Variants in CUEDC1 observed in about 807,000 individuals in gnomAD.
CUEDC1 encodes the protein CUE domain containing 1.
CUEDC1 carries 30 observed loss-of-function variants against 43.7 expected under a neutral mutation model. The observed-to-expected ratio is 0.69, with a 90% CI of 0.51 to 0.93. CUEDC1 has a LOEUF of 0.93. CUEDC1 is among the 40% of genes least tolerant of loss of function. The pLI, the probability that CUEDC1 is intolerant of heterozygous loss-of-function variation, is 0.00. For synonymous variants in CUEDC1, 223 were observed against 223.6 expected (o/e 1.00, Z 0.02); for missense variants, 486 against 549.0 (o/e 0.89, Z 1.15).
At chr17:57,947,259 C>T (rs2074968056) in intron 1 of CUEDC1, among the ~76,000 whole-genome samples, 1 of 151,930 alleles carries the variant, frequency 6.6e-6, no homozygotes, top group Non-Finnish European at 1.5e-5. Context: ...GTCGTGTTTG[C>T]TGCTGCTACT....
At chr17:57,884,811 C>A (rs899276581) in intron 2 of CUEDC1, among the ~76,000 whole-genome samples, 3 of 152,258 alleles carry the variant, frequency 2.0e-5, no homozygotes, top group Non-Finnish European at 4.4e-5. Flanking sequence ...CTAGTCCACA[C>A]TGGACTGTGA....
At chr17:57,905,932 C>T (rs2074526447) in intron 1 of CUEDC1, among the ~76,000 whole-genome samples, 1 of 152,188 alleles carries the variant, frequency 6.6e-6, no homozygotes, top group Admixed American at 6.5e-5. Context: ...TGCCTTGTTT[C>T]TGCAGTTTAA....
chr17:57,869,458 C>T (rs1438717654), intron 6 of CUEDC1, among the ~76,000 whole-genome samples: 2 of 152,160 alleles, frequency 1.3e-5, no homozygotes, highest in African/African-American at 4.8e-5. Context: ...CAACTGTCCA[C>T]GCCTCTGACC....
At chr17:57,935,378 GACACACACAC>G (rs146002407) in intron 1 of CUEDC1, among the ~76,000 whole-genome samples, 2 of 142,088 alleles carry the variant, frequency 1.4e-5, no homozygotes, top group African/African-American at 5.2e-5. Context: ...CCTTCCATTA[GACACACACAC>G]ACACACACAC....
chr17:57,930,887 C>T lies in CUEDC1; in HGVS notation c.-316+24338G>A, dbSNP rs984282828. Among the ~76,000 whole-genome samples the T allele has an allele frequency of 2.0e-5, 3 of 152,158 alleles. No homozygotes were observed. Among genetic ancestry groups the T allele is most frequent in the African/African-American group, 7.2e-5 (3 of 41,426 alleles). ...CTGCAGGTAACCTTCTCATGACCTGCTCTACTCCCTGGAAATTCTTGACAC... is the reference window on the plus strand; with the variant it reads ...CTGCAGGTAACCTTCTCATGACCTGTTCTACTCCCTGGAAATTCTTGACAC... On this transcript the variant is annotated intron_variant, in intron 1 of 10. Transcript: ENST00000577830. The surrounding 1 kb of genome is among the most constrained non-coding windows in gnomAD (Gnocchi z 4.2).
intron 6 of CUEDC1, among the ~76,000 whole-genome samples, chr17:57,870,223 C>A (rs1033544537): frequency 1.3e-5 from 2 of 152,204 alleles, no homozygotes. Flanking sequence ...GGCCACTGTT[C>A]GCACACAGGC....
intron 6 of CUEDC1, among the ~76,000 whole-genome samples, chr17:57,870,679 CTTTT>C (rs35465474): frequency 9.0e-5 from 13 of 145,082 alleles, no homozygotes; most frequent in Middle Eastern, 3.6e-3. Flanking sequence ...TCCTTTTCTT[CTTTT>C]TTTTTTTTTT....
At chr17:57,871,431 G>T in intron 5 of CUEDC1, 62 bp from the exon 6 acceptor site, 1 of 1,405,748 alleles carries the variant, frequency 7.1e-7, no homozygotes, top group Non-Finnish European at 1.0e-6. Context: ...GGGGCAGGCT[G>T]GGCTGGGACA....
At chr17:57,869,242 C>G in intron 6 of CUEDC1, 49 bp from the exon 7 acceptor site, 1 of 1,554,882 alleles carries the variant, frequency 6.4e-7, no homozygotes, top group Middle Eastern at 1.7e-4. Flanking sequence ...CAGCCATGGC[C>G]GCTGTCCCAG....
At chr17:57,898,526 A>G (rs528369092) in intron 1 of CUEDC1, among the ~76,000 whole-genome samples, 2 of 152,216 alleles carry the variant, frequency 1.3e-5, no homozygotes, top group East Asian at 3.9e-4. Flanking sequence ...ATATGGGGAT[A>G]CATATACCTT....
intron 1 of CUEDC1, among the ~76,000 whole-genome samples, chr17:57,910,298 G>A (rs1326459222): frequency 6.6e-6 from 1 of 152,100 alleles, no homozygotes; most frequent in African/African-American, 2.4e-5. Flanking sequence ...AGCCCATGGG[G>A]CCCCTGTGAC....
intron 1 of CUEDC1, among the ~76,000 whole-genome samples, chr17:57,925,835 C>T (rs76104837): frequency 0.048 from 7,363 of 152,280 alleles, 210 homozygotes; most frequent in African/African-American, 0.065. Flanking sequence ...ACAGGGCCGT[C>T]CTCCCTTACC....
intron 3 of CUEDC1, 130 bp from the exon 4 acceptor site, chr17:57,873,847 G>T: frequency 1.1e-6 from 1 of 938,428 alleles, no homozygotes; most frequent in Non-Finnish European, 1.5e-6. Context: ...ACTGCCTCCA[G>T]AACAAAGGCC....
Position 57,873,575 on chromosome 17 carries a change from G to GGGC in CUEDC1, c.591+13_591+15dup, listed in dbSNP as rs1568029953. 1 of 1,537,590 alleles carries GGGC rather than the reference G, an allele frequency of 6.5e-7. No homozygotes were observed. The highest frequency in any genetic ancestry group is 2.4e-5 in the East Asian group (1 of 41,332). ...ACAAGCAGGTGGGAGTGGAAGGCGG[G>GGGC]GGCGGCCCCTGTTACCTGTATGCTG... On this transcript the variant is annotated intron_variant, in intron 4 of 10. Transcript: ENST00000577830.
chr17:57,907,428 C>T (rs536770382), intron 1 of CUEDC1, among the ~76,000 whole-genome samples: 3 of 152,170 alleles, frequency 2.0e-5, no homozygotes, highest in Non-Finnish European at 4.4e-5. Flanking sequence ...TCATTCACTC[C>T]ACAGACGGGA....
At chr17:57,897,781 G>T (rs1247000017) in intron 1 of CUEDC1, among the ~76,000 whole-genome samples, 1 of 152,172 alleles carries the variant, frequency 6.6e-6, no homozygotes, top group Non-Finnish European at 1.5e-5. Flanking sequence ...TTGGGAGGCT[G>T]AGGCGGGTGA....
rs2073972242 is a variant in CUEDC1 at position 57,867,262 on chromosome 17, G to C, written c.1093+95C>G. 8.6e-6 allele frequency: 10 copies of C among 1,168,346 alleles called. No homozygotes were observed. In the South Asian group the frequency reaches 1.3e-4, roughly 15 times the overall value. 72.4% of individuals were successfully genotyped at this position (1,168,346 alleles called of 1,614,324 possible). A position where few individuals can be genotyped will look rare whatever the true frequency, so the allele number is the denominator to read the frequency against. On this transcript the variant is annotated intron_variant, in intron 9 of 10. Coordinates refer to ENST00000577830, the MANE Select transcript of CUEDC1 (RefSeq NM_001271875.2). The stretch of plus-strand genomic sequence containing the variant: ...CAACCCTCAGTGTGTTCCTCCAGGG[G>C]ACAGGGCGGGTGCTCCCATGAAACA...
chr17:57,871,557 G>A (rs1002182051), intron 5 of CUEDC1, among the ~76,000 whole-genome samples, 188 bp from the exon 6 acceptor site: 1 of 152,174 alleles, frequency 6.6e-6, no homozygotes, highest in Non-Finnish European at 1.5e-5. Flanking sequence ...AGAAACTACC[G>A]CCTGACAGCC....
chr17:57,906,316 G>A (rs2074529444), intron 1 of CUEDC1, among the ~76,000 whole-genome samples: 1 of 152,252 alleles, frequency 6.6e-6, no homozygotes, highest in Admixed American at 6.5e-5. Context: ...CAATGTGGAT[G>A]AACCTTGAAA....
Sources: allele counts gnomAD v4.1 joint callset (sites outside exome capture counted in the v4.1 genomes callset), GRCh38; gene constraint gnomAD v4.1.1; non-coding constraint Gnocchi (gnomAD v3.1); transcripts MANE v1.5; gene names NCBI Gene and HGNC (gene_info 2026-07-23, HGNC 2026-07-21).